Variants in CR2 observed in about 807,000 individuals in gnomAD.
CR2 encodes complement receptor type 2.
CR2 carries 96 observed loss-of-function variants against 123.0 expected under a neutral mutation model. The observed-to-expected ratio is 0.78, with a 90% CI of 0.66 to 0.93. CR2 has a LOEUF of 0.93. Among genes scored for constraint, CR2 ranks in the 40% least tolerant of loss-of-function variants. The pLI is 0.00. For missense variants in CR2, 1,258 were observed against 1,361.0 expected (o/e 0.92, Z 1.19); for synonymous variants, 484 against 469.5 (o/e 1.03, Z -0.40).
chr1:207,472,763 T>C lies in CR2; in HGVS notation c.1571-9T>C, dbSNP rs1349270760. 1 of 1,613,004 alleles carries C rather than the reference T, an allele frequency of 6.2e-7. No homozygotes were observed. Among genetic ancestry groups the C allele is most frequent in the East Asian group, 2.2e-5 (1 of 44,874 alleles). On this transcript the variant is annotated splice_polypyrimidine_tract_variant and intron_variant, in intron 9 of 19. Transcript: ENST00000367057. Reference sequence around the variant, plus strand: ...AACTCAATTCTACAGTATCTTTTCATCTCTCTAGAAATCACCTGCCCACCA... The same window carrying C: ...AACTCAATTCTACAGTATCTTTTCACCTCTCTAGAAATCACCTGCCCACCA...
chr1:207,475,743 T>A (rs188880741), intron 14 of CR2, among the ~76,000 whole-genome samples: 9 of 152,306 alleles, frequency 5.9e-5, no homozygotes, highest in Admixed American at 5.2e-4. Flanking sequence ...TAATCTTAAG[T>A]GAAACCCATC....
chr1:207,478,402 C>T (rs1158305273), intron 16 of CR2, among the ~76,000 whole-genome samples: 8 of 150,352 alleles, frequency 5.3e-5, no homozygotes, highest in Admixed American at 5.3e-4. Flanking sequence ...GAGGTGTGCA[C>T]CTGTGGCCCC....
At chr1:207,474,435 G>A (rs1658378740) in intron 13 of CR2, 112 bp downstream of exon 13, 1 of 813,172 alleles carries the variant, frequency 1.2e-6, no homozygotes, top group African/African-American at 1.7e-5. Flanking sequence ...TCCCTCATTG[G>A]AGGTTAGATA....
intron 18 of CR2, among the ~76,000 whole-genome samples, chr1:207,481,882 C>T (rs1193002712): frequency 6.6e-6 from 1 of 151,750 alleles, no homozygotes; most frequent in Non-Finnish European, 1.5e-5. Flanking sequence ...CAGTGAGTTA[C>T]CCAATCATCT....
At chr1:207,474,018 A>G (rs756045325) in intron 12 of CR2, 133 bp downstream of exon 12, 3 of 899,314 alleles carry the variant, frequency 3.3e-6, no homozygotes, top group Admixed American at 2.0e-5. Flanking sequence ...TGAGGTTCCA[A>G]TGGCCTAAAT....
chr1:207,484,832 C>G (rs1658705571), intron 18 of CR2, among the ~76,000 whole-genome samples: 1 of 152,196 alleles, frequency 6.6e-6, no homozygotes, highest in African/African-American at 2.4e-5. Flanking sequence ...GCTTTTAAGT[C>G]AGACTAGAAC....
At chr1:207,464,773 CA>C (rs1658052925) in intron 1 of CR2, among the ~76,000 whole-genome samples, 1 of 152,196 alleles carries the variant, frequency 6.6e-6, no homozygotes, top group East Asian at 1.9e-4. Context: ...CAAAGTGCTT[CA>C]GGGGTGAGTT....
chr1:207,487,325 C>T (rs1658777565), intron 19 of CR2, among the ~76,000 whole-genome samples: 1 of 152,116 alleles, frequency 6.6e-6, no homozygotes. Flanking sequence ...CTCACTCTGT[C>T]GCCCAGGCTG....
intron 16 of CR2, among the ~76,000 whole-genome samples, chr1:207,478,430 A>T (rs1658503493): frequency 6.7e-6 from 1 of 148,172 alleles, no homozygotes; most frequent in African/African-American, 2.5e-5. Flanking sequence ...CGGGTAGCTG[A>T]GATAGGAGGA....
intron 1 of CR2, among the ~76,000 whole-genome samples, chr1:207,460,752 A>G (rs1572946728): frequency 1.3e-5 from 2 of 152,256 alleles, no homozygotes; most frequent in South Asian, 4.1e-4. Context: ...CTTCTGTTCC[A>G]TTATTAATAA....
chr1:207,461,257 C>G (rs1657958204), intron 1 of CR2, among the ~76,000 whole-genome samples: 1 of 152,088 alleles, frequency 6.6e-6, no homozygotes, highest in Non-Finnish European at 1.5e-5. Flanking sequence ...CCTGTTTTCC[C>G]CAGACTCTGA....
intron 1 of CR2, among the ~76,000 whole-genome samples, chr1:207,460,165 ATC>A (rs1237098757): frequency 6.6e-6 from 1 of 152,232 alleles, no homozygotes; most frequent in East Asian, 1.9e-4. Flanking sequence ...TACAAGTAGT[ATC>A]AGGATCATGA....
chr1:207,479,346 G>C (rs980321104), intron 17 of CR2, 66 bp downstream of exon 17: 1 of 1,119,542 alleles, frequency 8.9e-7, no homozygotes, highest in Middle Eastern at 2.8e-4. Context: ...TAATGCTAGA[G>C]GTCCTATATC....
chr1:207,477,998 C>CT lies in CR2; in HGVS notation c.3017dup (p.Glu1007GlyfsTer80), dbSNP rs779475083. ...TCTGGAGTGTGAAGATGGGTATATGCTGGAAGGCAGTCCCCAGAGCCAGTG... is the reference window on the plus strand; with the variant it reads ...TCTGGAGTGTGAAGATGGGTATATGCTTGGAAGGCAGTCCCCAGAGCCAGTG... On this transcript the variant is annotated frameshift_variant, in exon 16 of 20. Coordinates refer to ENST00000367057, the MANE Select transcript of CR2 (RefSeq NM_001006658.3). LOFTEE classifies it high-confidence loss of function. The CT allele has an allele frequency of 9.9e-6, 16 of 1,613,846 alleles. No individual in the cohort carries two copies. The highest frequency in any genetic ancestry group is 1.4e-5 in the Non-Finnish European group (16 of 1,179,962).
rs576183982 is a variant in CR2 at position 207,466,972 on chromosome 1, C to T, written c.445+60C>T. 2.6e-4 allele frequency: 388 copies of T among 1,512,130 alleles called. 2 individuals carry two copies. In the African/African-American group the frequency reaches 2.9e-3, roughly 11 times the overall value. The allele number at this position is 1,512,130 out of a possible 1,614,324, so 93.7% of individuals were successfully genotyped here. ...GGGTCTTGCCTTTCTGTGCAGACCA[C>T]GTTTTGTACCCTCCTGAAGGACAAA... is the stretch of plus-strand genomic sequence containing the variant. On this transcript the variant is annotated intron_variant, in intron 2 of 19. Transcript: ENST00000367057.
intron 1 of CR2, among the ~76,000 whole-genome samples, chr1:207,463,057 A>G (rs1348892275): frequency 6.6e-6 from 1 of 152,198 alleles, no homozygotes; most frequent in Non-Finnish European, 1.5e-5. Context: ...GATTTAATAT[A>G]AAACACAAAA....
chr1:207,482,464 T>A (rs1347658418), intron 18 of CR2, among the ~76,000 whole-genome samples: 4 of 152,066 alleles, frequency 2.6e-5, no homozygotes, highest in Admixed American at 6.6e-5. Context: ...GAAATAGAAG[T>A]CATGCGAAAA....
intron 16 of CR2, among the ~76,000 whole-genome samples, chr1:207,478,723 G>A (rs1259417893): frequency 6.6e-6 from 1 of 152,104 alleles, no homozygotes; most frequent in Admixed American, 6.5e-5. Flanking sequence ...CCTACGTGCT[G>A]AATCTGAGTT....
chr1:207,461,893 A>T (rs767924688), intron 1 of CR2, among the ~76,000 whole-genome samples: 2 of 152,122 alleles, frequency 1.3e-5, no homozygotes, highest in Admixed American at 6.6e-5. Flanking sequence ...TTCACATGTC[A>T]TCTCAAGTGA....
Sources: allele counts gnomAD v4.1 joint callset (sites outside exome capture counted in the v4.1 genomes callset), GRCh38; gene constraint gnomAD v4.1.1; transcripts MANE v1.5; gene names NCBI Gene and HGNC (gene_info 2026-07-23, HGNC 2026-07-21).